Variants in GRIK1 observed in about 807,000 individuals in gnomAD.
GRIK1 encodes the protein glutamate receptor ionotropic, kainate 1.
A neutral mutation model predicts 105.7 loss-of-function variants in GRIK1; 69 were observed. The observed-to-expected ratio is 0.65, with a 90% CI of 0.54 to 0.80. The LOEUF is 0.80. Ranked by LOEUF, GRIK1 falls within the 30% of genes least tolerant of loss-of-function variation. GRIK1 has a pLI of 0.00. For synonymous variants in GRIK1, 438 were observed against 431.3 expected (o/e 1.02, Z -0.19); for missense variants, 1,109 against 1,167.3 (o/e 0.95, Z 0.73).
At chr21:29,789,924 C>A (rs2066365470) in intron 1 of GRIK1, among the ~76,000 whole-genome samples, 2 of 152,158 alleles carry the variant, frequency 1.3e-5, no homozygotes, top group African/African-American at 2.4e-5. Flanking sequence ...TGATCATGCC[C>A]ATAAGCTGTA....
In GRIK1 at chr21:29,591,168, A is replaced by G. The variant is rs2061327645; in HGVS notation, c.1309T>C (p.Ser437Pro). The change falls in exon 10 of 18, where the codon TCC becomes CCC. Residue 437 changes from serine to proline, a missense_variant. By Grantham distance (74) the Ser-to-Pro change is moderately conservative. This residue lies in a region of GRIK1 where 612 missense variants were observed against 586.0 expected (regional missense o/e 1.04). Coordinates refer to ENST00000327783, the MANE Select transcript of GRIK1 (RefSeq NM_001330994.2). ...GCCAATGAATCAGTGATATTGCTGG[A>G]CTTGTCTTTGTTGCTGTCCGTCATG... ...LNMTDSNKDK[S>P]SNITDSLANR... is the part of the protein sequence containing the mutation. 1.2e-6 allele frequency: 2 copies of G among 1,612,310 alleles called. No homozygotes were observed. The highest frequency in any genetic ancestry group is 1.3e-5 in the African/African-American group (1 of 74,994).
chr21:29,558,376 T>TCACA (rs35594883), intron 15 of GRIK1, among the ~76,000 whole-genome samples: 4,826 of 146,956 alleles, frequency 0.033, 196 homozygotes, highest in African/African-American at 0.091. Flanking sequence ...TATATATATT[T>TCACA]CACACACACA....
intron 1 of GRIK1, among the ~76,000 whole-genome samples, chr21:29,844,968 A>G (rs1430656296): frequency 6.6e-6 from 1 of 152,222 alleles, no homozygotes; most frequent in South Asian, 2.1e-4. Context: ...TTCAAAATTT[A>G]TAAGACTGTC....
intron 7 of GRIK1, among the ~76,000 whole-genome samples, chr21:29,620,960 C>T (rs1237700981): frequency 7.0e-6 from 1 of 143,472 alleles, no homozygotes; most frequent in East Asian, 2.0e-4. Flanking sequence ...TTATATAATT[C>T]TACATATACA....
At chr21:29,650,901 A>G (rs780710827) in intron 6 of GRIK1, among the ~76,000 whole-genome samples, 3 of 152,122 alleles carry the variant, frequency 2.0e-5, no homozygotes, top group Non-Finnish European at 4.4e-5. Context: ...CAAGTTTTTT[A>G]TCTGGGGCAA....
chr21:29,563,829 G>A (rs2090544882), intron 14 of GRIK1, among the ~76,000 whole-genome samples: 1 of 152,114 alleles, frequency 6.6e-6, no homozygotes, highest in Non-Finnish European at 1.5e-5. Flanking sequence ...GTTTTAGTAC[G>A]GAAGGCTTTG....
chr21:29,802,745 A>G (rs562062090), intron 1 of GRIK1, among the ~76,000 whole-genome samples: 5 of 152,184 alleles, frequency 3.3e-5, no homozygotes, highest in Non-Finnish European at 7.3e-5. Flanking sequence ...TCTGCGATCC[A>G]TTTTGAACCC....
At chr21:29,607,306 C>T (rs2061643241) in intron 7 of GRIK1, among the ~76,000 whole-genome samples, 2 of 151,812 alleles carry the variant, frequency 1.3e-5, no homozygotes, top group Admixed American at 1.3e-4. Flanking sequence ...TTTCTGTCCT[C>T]CTGAGTTATT....
chr21:29,881,954 C>A, intron 1 of GRIK1, among the ~76,000 whole-genome samples: 1 of 152,122 alleles, frequency 6.6e-6, no homozygotes, highest in African/African-American at 2.4e-5. Flanking sequence ...TCACTATGCT[C>A]GGAGGCAGGA....
At chr21:29,808,343 G>T (rs1569115951) in intron 1 of GRIK1, among the ~76,000 whole-genome samples, 4 of 152,130 alleles carry the variant, frequency 2.6e-5, no homozygotes, top group Non-Finnish European at 4.4e-5. Flanking sequence ...TCAACAGTTG[G>T]CAAGAGCTGT....
At chr21:29,592,420 G>C (rs1601204039) in intron 9 of GRIK1, among the ~76,000 whole-genome samples, 1 of 152,152 alleles carries the variant, frequency 6.6e-6, no homozygotes, top group South Asian at 2.1e-4. Context: ...GTCACTCCTG[G>C]GTTGTGAGGT....
chr21:29,774,446 CTTTTTTTTT>C (rs34378438), intron 1 of GRIK1, among the ~76,000 whole-genome samples: 67 of 102,432 alleles, frequency 6.5e-4, no homozygotes, highest in African/African-American at 2.1e-3. Context: ...TTATTTTGCT[CTTTTTTTTT>C]TTTTTTTTTT....
In GRIK1 at chr21:29,754,103, T is replaced by A. The variant is rs114679347; in HGVS notation, c.119-60040A>T. ...TTTGATACGGTGACAACTCTGTGTG[T>A]AAATTACTCTGCATAGTAAAATATT... is the stretch of plus-strand genomic sequence containing the variant. On this transcript the variant is annotated intron_variant, in intron 1 of 17. Coordinates refer to ENST00000327783, the MANE Select transcript of GRIK1 (RefSeq NM_001330994.2). Among the ~76,000 whole-genome samples, 1,402 of 152,270 alleles carry A rather than the reference T, an allele frequency of 9.2e-3. 21 individuals are homozygous for A. The highest frequency in any genetic ancestry group is 0.032 in the African/African-American group (1,340 of 41,530).
intron 7 of GRIK1, among the ~76,000 whole-genome samples, chr21:29,640,927 T>TTTGTTG (rs143408617): frequency 6.6e-6 from 1 of 152,076 alleles, no homozygotes; most frequent in Non-Finnish European, 1.5e-5. Context: ...TTGTGATGTC[T>TTTGTTG]TTGTTGTTGT....
intron 9 of GRIK1, among the ~76,000 whole-genome samples, chr21:29,595,706 T>TAG (rs964905670): frequency 6.6e-6 from 1 of 151,592 alleles, no homozygotes; most frequent in African/African-American, 2.4e-5. Context: ...CAAGTAGTTT[T>TAG]AGAGAGAGAG....
intron 1 of GRIK1, among the ~76,000 whole-genome samples, chr21:29,853,959 G>T (rs979902333): frequency 2.0e-5 from 3 of 152,172 alleles, no homozygotes; most frequent in African/African-American, 7.2e-5. Context: ...GATGGCCAGG[G>T]TTGTCCTCAC....
At chr21:29,628,935 CTAGT>C (rs1196782630) in intron 7 of GRIK1, among the ~76,000 whole-genome samples, 1 of 151,994 alleles carries the variant, frequency 6.6e-6, no homozygotes, top group Non-Finnish European at 1.5e-5. Context: ...ATGTCTTGCT[CTAGT>C]TAGTCTGGTT....
intron 3 of GRIK1, among the ~76,000 whole-genome samples, chr21:29,689,281 C>T (rs2063540186): frequency 6.6e-6 from 1 of 152,132 alleles, no homozygotes; most frequent in African/African-American, 2.4e-5. Flanking sequence ...TGACATAATC[C>T]ACTCTATTGG....
chr21:29,783,532 G>A (rs2066180408), intron 1 of GRIK1, among the ~76,000 whole-genome samples: 1 of 151,844 alleles, frequency 6.6e-6, no homozygotes, highest in African/African-American at 2.4e-5. Context: ...AGCATATTTG[G>A]TAACTATTTT....
Sources: gnomAD v4.1 joint callset for allele counts (sites outside exome capture counted in the v4.1 genomes callset) on GRCh38, gnomAD v4.1.1 for gene constraint, gnomAD v4.1.1 regional missense constraint, MANE v1.5 for transcripts, NCBI Gene and HGNC (gene_info 2026-07-23, HGNC 2026-07-21) for gene names.